SLC13A3: variants seen among roughly 807,000 people sequenced by gnomAD.
SLC13A3 encodes the protein solute carrier family 13 member 3, also known as Na(+)/dicarboxylate cotransporter 3.
Under a neutral mutation model 59.0 loss-of-function variants are expected in SLC13A3, and 40 were observed. That is an observed-to-expected ratio of 0.68 (90% confidence interval 0.53 to 0.88). The LOEUF (loss-of-function observed/expected upper bound fraction) is 0.88, where lower values mean the gene tolerates loss of function less well. SLC13A3 is among the 40% of genes least tolerant of loss of function. The pLI, the probability that SLC13A3 is intolerant of heterozygous loss-of-function variation, is 0.00. For synonymous variants in SLC13A3, 317 were observed against 330.3 expected, an observed-to-expected ratio of 0.96 and a Z score of 0.44; for missense variants, 699 against 783.2, an observed-to-expected ratio of 0.89 and a Z score of 1.28.
At chr20:46,647,742 A>T (rs112407396) in intron 1 of SLC13A3, among the ~76,000 whole-genome samples, 3,167 of 152,320 alleles carry the variant, frequency 0.021, 58 homozygotes, top group Middle Eastern at 0.031. Context: ...CACCAGGAAC[A>T]GGTGCATGAA....
intron 10 of SLC13A3, among the ~76,000 whole-genome samples, chr20:46,569,164 T>C (rs958431684): frequency 2.0e-5 from 3 of 150,844 alleles, no homozygotes; most frequent in Admixed American, 1.3e-4. Context: ...TTTTTAAGTG[T>C]TTTTTTTTGT....
chr20:46,597,634 A>G (rs1413343672), intron 4 of SLC13A3, among the ~76,000 whole-genome samples: 1 of 152,100 alleles, frequency 6.6e-6, no homozygotes, highest in Non-Finnish European at 1.5e-5. Flanking sequence ...ACAGGGTTTC[A>G]CCATGTTGGC....
chr20:46,652,539 T>C (rs2062958785), upstream of SLC13A3, among the ~76,000 whole-genome samples: 1 of 141,540 alleles, frequency 7.1e-6, no homozygotes, highest in Non-Finnish European at 1.5e-5. Context: ...TGCCACCATA[T>C]CTGGCTAATT....
At chr20:46,587,071 GGGCCAGATTTGGCCC>G (rs2062200811) in intron 8 of SLC13A3, among the ~76,000 whole-genome samples, 1 of 152,088 alleles carries the variant, frequency 6.6e-6, no homozygotes, top group Admixed American at 6.6e-5. Context: ...ATCAAATGGC[GGGCCAGATTTGGCCC>G]AAAAAGACAC....
chr20:46,568,121 A>G (rs451713), intron 10 of SLC13A3, among the ~76,000 whole-genome samples: 36,769 of 152,020 alleles, frequency 0.24, 4,772 homozygotes, highest in East Asian at 0.34. Context: ...AGGGCCAGGC[A>G]TGGTGGCTCA....
intron 1 of SLC13A3, among the ~76,000 whole-genome samples, chr20:46,648,618 C>T (rs1475386924): frequency 2.0e-5 from 3 of 152,102 alleles, no homozygotes; most frequent in African/African-American, 7.2e-5. Flanking sequence ...TAAGGCACAG[C>T]AGTTAGAAAG....
intron 1 of SLC13A3, among the ~76,000 whole-genome samples, chr20:46,643,111 A>G (rs1420338616): frequency 6.6e-6 from 1 of 151,882 alleles, no homozygotes; most frequent in Non-Finnish European, 1.5e-5. Context: ...TGTGCCAGGC[A>G]CGGGGCTGGC....
chr20:46,586,236 T>C (rs2062189839), intron 8 of SLC13A3, among the ~76,000 whole-genome samples: 1 of 152,108 alleles, frequency 6.6e-6, no homozygotes, highest in Non-Finnish European at 1.5e-5. Flanking sequence ...AGCAGATACA[T>C]CTCTATTTAA....
At chr20:46,609,420 G>A (rs544523604) in intron 3 of SLC13A3, among the ~76,000 whole-genome samples, 49 of 152,230 alleles carry the variant, frequency 3.2e-4, no homozygotes, top group African/African-American at 9.6e-4. Context: ...AAATCCCTCC[G>A]TTCATAATAC....
chr20:46,560,307 G>A (rs2061920145), intron 12 of SLC13A3, 109 bp from the exon 13 acceptor site: 2 of 1,038,620 alleles, frequency 1.9e-6, no homozygotes, highest in Non-Finnish European at 2.9e-6. Flanking sequence ...GCACAGCCAG[G>A]AAGTGATGGA....
intron 1 of SLC13A3, among the ~76,000 whole-genome samples, chr20:46,631,119 A>G (rs1294453343): frequency 1.3e-5 from 2 of 152,206 alleles, no homozygotes; most frequent in Non-Finnish European, 2.9e-5. Flanking sequence ...AGATCATTTA[A>G]TCCAGTGGTT....
chr20:46,679,311 C>T (rs1476125782), intron 1 of SLC13A3, among the ~76,000 whole-genome samples: 1 of 152,138 alleles, frequency 6.6e-6, no homozygotes, highest in African/African-American at 2.4e-5. Flanking sequence ...AATCCCAGCA[C>T]TTTGGGAGGC....
upstream of SLC13A3, among the ~76,000 whole-genome samples, chr20:46,652,276 G>C (rs2062957030): frequency 6.6e-6 from 1 of 152,210 alleles, no homozygotes; most frequent in Non-Finnish European, 1.5e-5. Context: ...CAGACAAGAA[G>C]GTTGTTAGGA....
intron 5 of SLC13A3, among the ~76,000 whole-genome samples, chr20:46,593,039 T>C (rs1240063498): frequency 1.3e-5 from 2 of 152,238 alleles, no homozygotes; most frequent in African/African-American, 2.4e-5. Flanking sequence ...TTATTACATA[T>C]GCTCAAAGAC....
At chr20:46,636,009 C>G (rs1260819140) in intron 1 of SLC13A3, among the ~76,000 whole-genome samples, 1 of 152,232 alleles carries the variant, frequency 6.6e-6, no homozygotes, top group African/African-American at 2.4e-5. Flanking sequence ...GTTTCAGGAA[C>G]TTCCCACCCA....
chr20:46,674,592 CGCGCGCGCGCGCGT>C (rs796443269), upstream of SLC13A3, among the ~76,000 whole-genome samples: 7 of 71,672 alleles, frequency 9.8e-5, no homozygotes, highest in East Asian at 2.4e-3. Flanking sequence ...GGGGAGTGCG[CGCGCGCGCGCGCGT>C]GTGTGTGTGT....
rs141343650 is a variant in SLC13A3 at position 46,571,639 on chromosome 20, C to T, written c.1332+3934G>A. Among the ~76,000 whole-genome samples, 617 of 152,224 alleles carry T rather than the reference C, an allele frequency of 4.1e-3. 5 individuals are homozygous for T. Among genetic ancestry groups the T allele is most frequent in the African/African-American group, 0.014 (571 of 41,530 alleles). Reference sequence around the variant, plus strand: ...GTAAGACAGACATGGTCTCTGCCTGCCCTCATGGAGCTTCCATTCTAGTAA... The same window carrying T: ...GTAAGACAGACATGGTCTCTGCCTGTCCTCATGGAGCTTCCATTCTAGTAA... On this transcript the variant is annotated intron_variant, in intron 10 of 12. Transcript: ENST00000279027.
rs2061911501 is a variant in SLC13A3 at position 46,559,367 on chromosome 20, T to A, written c.*655A>T. ...CTGCGGTTTCTAGAACTTCCCCTGGTATGCTCAGGAGCCCAGAGAAACAGC... is the reference window on the plus strand; with the variant it reads ...CTGCGGTTTCTAGAACTTCCCCTGGAATGCTCAGGAGCCCAGAGAAACAGC... On this transcript the variant is annotated 3_prime_UTR_variant, in exon 13 of 13. Transcript: ENST00000279027. 1 of 152,272 alleles carries A rather than the reference T, an allele frequency of 6.6e-6. No homozygotes were observed. Among genetic ancestry groups the A allele is most frequent in the Admixed American group, 6.5e-5 (1 of 15,288 alleles). 9.4% of individuals were successfully genotyped at this position (152,272 alleles called of 1,614,324 possible).
intron 4 of SLC13A3, among the ~76,000 whole-genome samples, chr20:46,599,114 C>A (rs2062346323): frequency 6.6e-6 from 1 of 152,242 alleles, no homozygotes; most frequent in South Asian, 2.1e-4. Context: ...CCACCCAACA[C>A]ACCATGGATT....
Sources: gnomAD v4.1 joint callset for allele counts (sites outside exome capture counted in the v4.1 genomes callset) on GRCh38, gnomAD v4.1.1 for gene constraint, MANE v1.5 for transcripts, NCBI Gene and HGNC (gene_info 2026-07-23, HGNC 2026-07-21) for gene names.